Variants in GABRG3 observed in about 807,000 individuals in gnomAD.
The protein encoded by GABRG3 is gamma-aminobutyric acid receptor subunit gamma-3.
In GABRG3, 25 loss-of-function variants were observed where a neutral mutation model predicts 48.8. The ratio of observed to expected loss-of-function variants is 0.51; its 90% CI spans 0.37 to 0.72. GABRG3 has a LOEUF of 0.72. Ranked by LOEUF, GABRG3 falls within the 30% of genes least tolerant of loss-of-function variation. The pLI is 0.00. For synonymous variants in GABRG3, 227 were observed against 217.6 expected (o/e 1.04, Z -0.38); for missense variants, 394 against 577.9 (o/e 0.68, Z 3.26).
intron 5 of GABRG3, among the ~76,000 whole-genome samples, chr15:27,439,157 T>A (rs1888705970): frequency 6.6e-6 from 1 of 152,174 alleles, no homozygotes; most frequent in African/African-American, 2.4e-5. Flanking sequence ...CTGTGGTTGA[T>A]CTTGATGCTA....
chr15:27,188,918 A>G (rs1566959130), intron 3 of GABRG3, among the ~76,000 whole-genome samples: 2 of 150,486 alleles, frequency 1.3e-5, no homozygotes, highest in Admixed American at 1.3e-4. Context: ...GGTGTAAGGA[A>G]GGGATCCAGT....
rs567362416 is a variant in GABRG3 at position 27,099,259 on chromosome 15, C to G, written c.270+72438C>G. 2.0e-5 allele frequency among the ~76,000 whole-genome samples: 3 copies of G among 152,246 alleles called. No homozygotes were observed. In the South Asian group the frequency reaches 6.2e-4, roughly 32 times the overall value. Reference sequence around the variant, plus strand: ...GCCACTCTGATGACAGTAGACTGTGCTAAGTTGTTGCGTTACTTGCTTGGG... The same window carrying G: ...GCCACTCTGATGACAGTAGACTGTGGTAAGTTGTTGCGTTACTTGCTTGGG... On this transcript the variant is annotated intron_variant, in intron 3 of 9. Transcript: ENST00000615808.
chr15:27,085,035 G>A (rs996885856), intron 3 of GABRG3, among the ~76,000 whole-genome samples: 1 of 152,330 alleles, frequency 6.6e-6, no homozygotes, highest in Non-Finnish European at 1.5e-5. Flanking sequence ...GGCAGTATTC[G>A]TCAAGAAGCA....
At chr15:27,388,573 G>T (rs553979256) in intron 5 of GABRG3, among the ~76,000 whole-genome samples, 1 of 152,190 alleles carries the variant, frequency 6.6e-6, no homozygotes, top group South Asian at 2.1e-4. Flanking sequence ...CCACAGAATC[G>T]GTCCTTGGCA....
chr15:27,094,108 T>C (rs1897236200), intron 3 of GABRG3, among the ~76,000 whole-genome samples: 1 of 152,174 alleles, frequency 6.6e-6, no homozygotes, highest in South Asian at 2.1e-4. Context: ...ATTTGCTCCA[T>C]ACAGCCCACA....
intron 3 of GABRG3, among the ~76,000 whole-genome samples, chr15:27,310,582 A>C (rs1595667662): frequency 6.6e-6 from 1 of 152,294 alleles, no homozygotes; most frequent in East Asian, 1.9e-4. Context: ...GCAACTCCTT[A>C]TCAGAATTTC....
intron 3 of GABRG3, among the ~76,000 whole-genome samples, chr15:27,233,699 A>G (rs1205429318): frequency 1.3e-5 from 2 of 152,166 alleles, no homozygotes; most frequent in African/African-American, 4.8e-5. Context: ...CATTTAGTAG[A>G]TAGCAGTATA....
chr15:27,108,751 G>A (rs555313514), intron 3 of GABRG3, among the ~76,000 whole-genome samples: 2 of 151,968 alleles, frequency 1.3e-5, no homozygotes, highest in African/African-American at 4.8e-5. Context: ...TTGATACCCT[G>A]GTATTTAGGT....
At chr15:27,037,153 A>T (rs760763511) in intron 3 of GABRG3, among the ~76,000 whole-genome samples, 3 of 152,178 alleles carry the variant, frequency 2.0e-5, no homozygotes, top group Admixed American at 6.5e-5. Context: ...AGAGAGCACC[A>T]GCCCTGCTGA....
chr15:27,306,528 AAACATAAACATAT>A (rs1443647645), intron 3 of GABRG3, among the ~76,000 whole-genome samples: 3 of 138,022 alleles, frequency 2.2e-5, no homozygotes, highest in Non-Finnish European at 4.6e-5. Flanking sequence ...TATATAATAT[AAACATAAACATAT>A]AATATAAACA....
chr15:27,302,128 A>G (rs1713785125), intron 3 of GABRG3, among the ~76,000 whole-genome samples: 2 of 152,164 alleles, frequency 1.3e-5, no homozygotes, highest in Admixed American at 6.6e-5. Context: ...TGGTAGATGT[A>G]TTAGAAAATA....
intron 2 of GABRG3, 103 bp downstream of exon 2, chr15:26,977,253 G>C: frequency 8.1e-7 from 1 of 1,234,328 alleles, no homozygotes; most frequent in Non-Finnish European, 1.1e-6. Flanking sequence ...CAAAGATAGT[G>C]CAGAAAGGTT....
intron 3 of GABRG3, chr15:27,271,713 G>C (rs886642912): frequency 2.3e-6 from 1 of 439,798 alleles, no homozygotes; most frequent in African/African-American, 2.0e-5. Flanking sequence ...AGCGCCAGAG[G>C]GACCTCCTGC....
At chr15:27,226,794 G>A (rs1889635017) in intron 3 of GABRG3, among the ~76,000 whole-genome samples, 1 of 152,214 alleles carries the variant, frequency 6.6e-6, no homozygotes, top group Non-Finnish European at 1.5e-5. Context: ...CTTCTTGGCA[G>A]GCACCTTGTC....
intron 3 of GABRG3, among the ~76,000 whole-genome samples, chr15:27,285,470 T>TG (rs1891581390): frequency 6.6e-6 from 1 of 152,158 alleles, no homozygotes; most frequent in Admixed American, 6.5e-5. Context: ...ACAAAAATTT[T>TG]GTCAGAATTT....
chr15:27,091,103 A>G (rs1897177477), intron 3 of GABRG3, among the ~76,000 whole-genome samples: 1 of 152,190 alleles, frequency 6.6e-6, no homozygotes, highest in Non-Finnish European at 1.5e-5. Context: ...CAGTCTTGTC[A>G]TTGAGCATGA....
At chr15:27,354,969 C>A (rs531015208) in intron 5 of GABRG3, among the ~76,000 whole-genome samples, 1 of 152,300 alleles carries the variant, frequency 6.6e-6, no homozygotes, top group African/African-American at 2.4e-5. Context: ...TATGTGCTTT[C>A]TGGTTCTAAT....
intron 5 of GABRG3, among the ~76,000 whole-genome samples, chr15:27,382,036 C>T (rs1009379759): frequency 7.2e-5 from 11 of 152,170 alleles, no homozygotes; most frequent in Non-Finnish European, 2.9e-5. Context: ...ATTATTATTG[C>T]TTCCAAATTC....
chr15:27,431,704 C>T (rs959084686), intron 5 of GABRG3, among the ~76,000 whole-genome samples: 2 of 152,150 alleles, frequency 1.3e-5, no homozygotes, highest in African/African-American at 4.8e-5. Flanking sequence ...TCCATATCTC[C>T]TGACTGCTTT....
Sources: allele counts gnomAD v4.1 joint callset (sites outside exome capture counted in the v4.1 genomes callset), GRCh38; gene constraint gnomAD v4.1.1; transcripts MANE v1.5; gene names NCBI Gene and HGNC (gene_info 2026-07-23, HGNC 2026-07-21).